The following CNOT10 variants were observed in gnomAD, a reference collection of about 807,000 sequenced individuals.
CNOT10 encodes the protein CCR4-NOT transcription complex subunit 10.
A neutral mutation model predicts 94.6 loss-of-function variants in CNOT10; 30 were observed. That is an observed-to-expected ratio of 0.32 (90% CI 0.24 to 0.43). CNOT10 has a LOEUF of 0.43. CNOT10 is among the 20% of genes least tolerant of loss of function. The probability of loss-of-function intolerance (pLI) is 1.00; values close to 1 mark genes in which losing one functional copy is unlikely to be tolerated. For synonymous variants in CNOT10, 289 were observed against 301.6 expected (o/e 0.96, Z 0.43); for missense variants, 759 against 877.2 (o/e 0.87, Z 1.70).
In CNOT10 at chr3:32,727,688, C is replaced by T; in HGVS notation, c.1033C>T (p.Pro345Ser). The T allele has an allele frequency of 6.2e-7, 1 of 1,612,786 alleles. No homozygotes were observed. Among genetic ancestry groups the T allele is most frequent in the Non-Finnish European group, 8.5e-7 (1 of 1,179,288 alleles). ...ACTAGGTAAAAAATTTTCAGGAAGA[C>T]CCATGTGTACGTTACTAACCAATAA... ...TDPGKKFSGR[P>S]MCTLLTNKRY... is the part of the protein sequence containing the mutation. The change falls in exon 10 of 19, where the codon CCC becomes TCC. Residue 345 changes from proline (P) to serine (S), a missense_variant. By Grantham distance (74) the Pro-to-Ser change is moderately conservative. Transcript: ENST00000328834.
intron 15 of CNOT10, among the ~76,000 whole-genome samples, chr3:32,763,880 C>T (rs1243856780): frequency 3.9e-5 from 6 of 152,132 alleles, no homozygotes; most frequent in Non-Finnish European, 7.4e-5. Context: ...CCTGTAATCC[C>T]AGCACTTTGG....
intron 1 of CNOT10, among the ~76,000 whole-genome samples, chr3:32,702,880 T>C (rs900455558): frequency 3.9e-4 from 60 of 152,066 alleles, no homozygotes; most frequent in Admixed American, 2.6e-4. Flanking sequence ...TAGCTTCTTA[T>C]TAGCTTATAA....
At chr3:32,709,474 A>C (rs971075013) in intron 4 of CNOT10, among the ~76,000 whole-genome samples, 3 of 152,146 alleles carry the variant, frequency 2.0e-5, no homozygotes, top group South Asian at 4.1e-4. Context: ...GAGAATTCCT[A>C]ATTTATCAGG....
intron 1 of CNOT10, among the ~76,000 whole-genome samples, chr3:32,686,008 G>A (rs1394714079): frequency 6.6e-6 from 1 of 152,084 alleles, no homozygotes; most frequent in Non-Finnish European, 1.5e-5. Context: ...GAACTTCTGG[G>A]CCCAAGCGAT....
intron 1 of CNOT10, among the ~76,000 whole-genome samples, chr3:32,695,202 A>G (rs1337943566): frequency 6.6e-6 from 1 of 152,202 alleles, no homozygotes; most frequent in Non-Finnish European, 1.5e-5. Flanking sequence ...TGAATAAACC[A>G]TTTGAGGTTT....
At chr3:32,763,518 T>G (rs1465613290) in intron 15 of CNOT10, among the ~76,000 whole-genome samples, 2 of 151,832 alleles carry the variant, frequency 1.3e-5, no homozygotes, top group Non-Finnish European at 2.9e-5. Flanking sequence ...GGCGTGGTGG[T>G]GCAAGCCTGT....
chr3:32,730,832 A>C lies in CNOT10; in HGVS notation c.1216-2591A>C, dbSNP rs889967709. Reference sequence around the variant, plus strand: ...CTTATATTTACCTGGGCAGTGTATAAATATGGGAAAAGATCTGCTAAACAA... The same window carrying C: ...CTTATATTTACCTGGGCAGTGTATACATATGGGAAAAGATCTGCTAAACAA... On this transcript the variant is annotated intron_variant, in intron 10 of 18. Transcript: ENST00000328834. The C allele has an allele frequency of 5.6e-4, 86 of 152,230 alleles. 1 individual carries two copies. Among genetic ancestry groups the C allele is most frequent in the Non-Finnish European group, 4.4e-5 (3 of 68,040 alleles). 9.4% of individuals were successfully genotyped at this position (152,230 alleles called of 1,614,324 possible). A position where few individuals can be genotyped will look rare whatever the true frequency, so the allele number is the denominator to read the frequency against.
At chr3:32,721,341 T>C (rs923930447) in intron 8 of CNOT10, among the ~76,000 whole-genome samples, 10 of 150,452 alleles carry the variant, frequency 6.6e-5, no homozygotes, top group Admixed American at 6.0e-4. Context: ...GGATTACAAG[T>C]GTGAGCCACC....
chr3:32,694,853 A>T (rs7612347), intron 1 of CNOT10, among the ~76,000 whole-genome samples: 9,290 of 151,920 alleles, frequency 0.061, 327 homozygotes, highest in African/African-American at 0.091. Context: ...CCTCCCAAAG[A>T]GCTGAGATTA....
intron 12 of CNOT10, among the ~76,000 whole-genome samples, chr3:32,736,532 A>G (rs975012887): frequency 6.6e-6 from 1 of 152,186 alleles, no homozygotes; most frequent in Non-Finnish European, 1.5e-5. Flanking sequence ...CCCAGTGCTA[A>G]GGGAGACCAA....
chr3:32,710,848 A>G (rs1015835078), intron 4 of CNOT10, among the ~76,000 whole-genome samples: 1 of 152,024 alleles, frequency 6.6e-6, no homozygotes, highest in East Asian at 1.9e-4. Flanking sequence ...AGCCTCTTCA[A>G]TAGCTGGGAT....
intron 14 of CNOT10, among the ~76,000 whole-genome samples, chr3:32,761,653 T>A (rs866492292): frequency 2.0e-5 from 3 of 151,836 alleles, no homozygotes; most frequent in Non-Finnish European, 2.9e-5. Flanking sequence ...CCTCCCCAGT[T>A]CAAGGGATTC....
At chr3:32,713,658 T>C (rs1449508594) in intron 5 of CNOT10, among the ~76,000 whole-genome samples, 1 of 152,172 alleles carries the variant, frequency 6.6e-6, no homozygotes, top group Non-Finnish European at 1.5e-5. Flanking sequence ...TCACTCCCCA[T>C]TTCCCCCTTT....
chr3:32,721,653 T>G (rs1213584834), intron 8 of CNOT10, among the ~76,000 whole-genome samples: 1 of 149,022 alleles, frequency 6.7e-6, no homozygotes, highest in Non-Finnish European at 1.5e-5. Flanking sequence ...TATTCTTTTT[T>G]TTTTTTTTTT....
rs1046588773 is a variant in CNOT10, at chr3:32,773,669, T to G, written c.*58T>G. On this transcript the variant is annotated 3_prime_UTR_variant, in exon 19 of 19. Transcript: ENST00000328834. ...CCAGGGGAGAATTTACTGGCCATTT[T>G]AGTTGTATCACAGCAGAATGAATAA... The G allele has an allele frequency of 4.9e-5, 75 of 1,518,028 alleles. No homozygotes were observed. Among genetic ancestry groups the G allele is most frequent in the Non-Finnish European group, 6.2e-5 (69 of 1,118,376 alleles). The allele number at this position is 1,518,028 out of a possible 1,614,324, so 94.0% of individuals were successfully genotyped here. A position where few individuals can be genotyped will look rare whatever the true frequency, so the allele number is the denominator to read the frequency against.
chr3:32,693,926 T>C (rs552668791), intron 1 of CNOT10, among the ~76,000 whole-genome samples: 75 of 152,308 alleles, frequency 4.9e-4, no homozygotes, highest in African/African-American at 1.8e-3. Context: ...TGAAACCTTA[T>C]TGCAGTTATT....
rs187789216 is a variant in CNOT10 at position 32,765,037 on chromosome 3, T to A, written c.2004+228T>A. The A allele has an allele frequency of 1.2e-3, 1,697 of 1,409,510 alleles. 25 individuals are homozygous for A. In the African/African-American group the frequency reaches 0.021, roughly 18 times the overall value. The allele number at this position is 1,409,510 out of a possible 1,614,324, so 87.3% of individuals were successfully genotyped here. A position where few individuals can be genotyped will look rare whatever the true frequency, so the allele number is the denominator to read the frequency against. ...TTGATGATTTTATTTTAAAAAAAAT[T>A]TTTTTTTGCCAGGCACAGTGGCTCA... On this transcript the variant is annotated intron_variant, in intron 17 of 18. Coordinates refer to ENST00000328834, the MANE Select transcript of CNOT10 (RefSeq NM_015442.3).
chr3:32,751,603 T>G (rs1216990129), intron 13 of CNOT10, among the ~76,000 whole-genome samples: 2 of 152,222 alleles, frequency 1.3e-5, no homozygotes, highest in Non-Finnish European at 2.9e-5. Flanking sequence ...CCTCCTGTGG[T>G]CCAGTGTCTA....
chr3:32,748,613 AATT>A (rs1699816954), intron 13 of CNOT10, among the ~76,000 whole-genome samples: 1 of 151,234 alleles, frequency 6.6e-6, no homozygotes. Flanking sequence ...TCCGGGTTCA[AATT>A]ATTCTCCTGC....
Sources: allele counts gnomAD v4.1 joint callset (sites outside exome capture counted in the v4.1 genomes callset), GRCh38; gene constraint gnomAD v4.1.1; transcripts MANE v1.5; gene names NCBI Gene and HGNC (gene_info 2026-07-23, HGNC 2026-07-21).